The following NDUFS1 variants were observed in gnomAD, a reference collection of about 807,000 sequenced individuals.
The protein encoded by NDUFS1 is NADH:ubiquinone oxidoreductase core subunit S1, also known as NADH-ubiquinone oxidoreductase 75 kDa subunit, mitochondrial.
NDUFS1 carries 61 observed loss-of-function variants against 84.4 expected under a neutral mutation model. The ratio of observed to expected loss-of-function variants is 0.72; its 90% CI spans 0.59 to 0.89. The LOEUF (loss-of-function observed/expected upper bound fraction) is 0.89, where lower values mean the gene tolerates loss of function less well. NDUFS1 is among the 40% of genes least tolerant of loss of function. The pLI, the probability that NDUFS1 is intolerant of heterozygous loss-of-function variation, is 0.00. For synonymous variants in NDUFS1, 275 were observed against 290.0 expected (o/e 0.95, Z 0.53); for missense variants, 891 against 890.0 (o/e 1.00, Z -0.01).
chr2:206,127,732 C>G (rs1691347152), intron 16 of NDUFS1, 65 bp downstream of exon 16: 1 of 1,545,856 alleles, frequency 6.5e-7, no homozygotes, highest in African/African-American at 1.4e-5. Flanking sequence ...GAAAATCATT[C>G]TAACAGGCTA....
chr2:206,147,380 G>C (rs1692193929), intron 7 of NDUFS1, 151 bp downstream of exon 7: 2 of 814,848 alleles, frequency 2.5e-6, no homozygotes, highest in Non-Finnish European at 3.8e-6. Context: ...CTAAATGAAA[G>C]TGAACTTATT....
chr2:206,153,585 T>C (rs1285526106), intron 2 of NDUFS1, 33 bp downstream of exon 2: 3 of 1,270,138 alleles, frequency 2.4e-6, no homozygotes, highest in African/African-American at 2.9e-5. Flanking sequence ...TAAGGTCTAA[T>C]ATCCACGAAT....
At chr2:206,149,588 T>C (rs1575990632) in intron 4 of NDUFS1, among the ~76,000 whole-genome samples, 1 of 147,054 alleles carries the variant, frequency 6.8e-6, no homozygotes, top group Non-Finnish European at 1.5e-5. Flanking sequence ...AAATCACCTT[T>C]AATTTCTAGA....
At chr2:206,150,493 T>C (rs998019960) in intron 3 of NDUFS1, among the ~76,000 whole-genome samples, 1 of 152,348 alleles carries the variant, frequency 6.6e-6, no homozygotes, top group East Asian at 1.9e-4. Flanking sequence ...CATGTTCAAA[T>C]TTCCTCTAGA....
intron 1 of NDUFS1, among the ~76,000 whole-genome samples, chr2:206,154,190 TAC>T (rs1396773801): frequency 6.6e-6 from 1 of 152,258 alleles, no homozygotes; most frequent in Non-Finnish European, 1.5e-5. Context: ...TATTTTCTGG[TAC>T]ACTTATCTTA....
chr2:206,148,124 C>T (rs900472283), intron 5 of NDUFS1, among the ~76,000 whole-genome samples: 6 of 152,104 alleles, frequency 3.9e-5, no homozygotes, highest in African/African-American at 1.2e-4. Context: ...AGGGTTTCAT[C>T]ATGTTGGTCA....
chr2:206,130,381 GTCTC>G, intron 14 of NDUFS1, 139 bp from the exon 15 acceptor site: 2 of 1,109,254 alleles, frequency 1.8e-6, no homozygotes, highest in Non-Finnish European at 2.6e-6. Flanking sequence ...CGGCGATAGA[GTCTC>G]ACTTTGTCGC....
At position 206,120,843 on chromosome 2, in the gene NDUFS1, A is replaced by C. The variant is rs1691075874; in HGVS notation, c.*3342T>G. 1 of 152,206 alleles carries C rather than the reference A, an allele frequency of 6.6e-6. No homozygotes were observed. The highest frequency in any genetic ancestry group is 1.5e-5 in the Non-Finnish European group (1 of 68,066). The allele number at this position is 152,206 out of a possible 1,614,324, so 9.4% of individuals were successfully genotyped here. The stretch of plus-strand genomic sequence containing the variant: ...GCAGGAATACAGTTGTCCATGCTGG[A>C]CTCAACTCATTTGCTCAAGCAATCC... On this transcript the variant is annotated 3_prime_UTR_variant, in exon 19 of 19. Coordinates refer to ENST00000233190, the MANE Select transcript of NDUFS1 (RefSeq NM_005006.7).
chr2:206,123,058 T>C lies in NDUFS1; in HGVS notation c.*1127A>G, dbSNP rs749976074. 8.5e-5 allele frequency: 13 copies of C among 152,202 alleles called. No homozygotes were observed. Among genetic ancestry groups the C allele is most frequent in the Non-Finnish European group, 1.9e-4 (13 of 68,030 alleles). The allele number at this position is 152,202 out of a possible 1,614,324, so 9.4% of individuals were successfully genotyped here. On this transcript the variant is annotated 3_prime_UTR_variant, in exon 19 of 19. Coordinates refer to ENST00000233190, the MANE Select transcript of NDUFS1 (RefSeq NM_005006.7). The stretch of plus-strand genomic sequence containing the variant: ...CCTTAGATTAAAAAAAAAAATTATC[T>C]ATTTTTAATTATCTCCTAATTGTAA...
chr2:206,127,979 A>G lies in NDUFS1; in HGVS notation c.1709-7T>C. On this transcript the variant is annotated splice_polypyrimidine_tract_variant and splice_region_variant and intron_variant, in intron 15 of 18. Transcript: ENST00000233190. Reference sequence around the variant, plus strand: ...CCAACATCACCATGATGTCCTGCACAAAGATGGAAAATGGTAAACCAAAAT... The same window carrying G: ...CCAACATCACCATGATGTCCTGCACGAAGATGGAAAATGGTAAACCAAAAT... The G allele has an allele frequency of 1.2e-6, 2 of 1,614,078 alleles. No individual in the cohort carries two copies. Among genetic ancestry groups the G allele is most frequent in the Non-Finnish European group, 1.7e-6 (2 of 1,179,952 alleles).
intron 3 of NDUFS1, among the ~76,000 whole-genome samples, chr2:206,151,194 G>C (rs1446642891): frequency 6.6e-6 from 1 of 152,122 alleles, no homozygotes; most frequent in Admixed American, 6.6e-5. Context: ...CAAAACTCCT[G>C]ATGGATCAAA....
chr2:206,148,580 G>A (rs2105976303), intron 5 of NDUFS1, among the ~76,000 whole-genome samples: 1 of 152,232 alleles, frequency 6.6e-6, no homozygotes, highest in East Asian at 1.9e-4. Context: ...CCTGAGGCCA[G>A]GAGTTCAAGC....
intron 7 of NDUFS1, 100 bp downstream of exon 7, chr2:206,147,430 CA>C (rs1024385804): frequency 1.2e-5 from 15 of 1,226,224 alleles, no homozygotes; most frequent in Middle Eastern, 2.4e-4. Context: ...TTCTCCCACC[CA>C]AAAAAAGTAG....
At position 206,147,604 on chromosome 2, in the gene NDUFS1, C is replaced by T. The variant is rs763325213; in HGVS notation, c.478G>A (p.Val160Met). The change falls in exon 7 of 19, where the codon GTG becomes ATG. Residue 160 changes from valine to methionine, a missense_variant. By Grantham distance (21) the Val-to-Met change is conservative (BLOSUM62 1). Transcript: ENST00000233190. Reference protein sequence around the residue: ...RSRFLEGKRAVEDKNIGPLVK... With the variant: ...RSRFLEGKRAMEDKNIGPLVK... Reference sequence around the variant, plus strand: ...AATGGCCCAATGTTCTTGTCTTCCACAGCACGCTTCCCCTCTAAAAATCGG... The same window carrying T: ...AATGGCCCAATGTTCTTGTCTTCCATAGCACGCTTCCCCTCTAAAAATCGG... 2 of 1,614,170 alleles carry T rather than the reference C, an allele frequency of 1.2e-6. No individual in the cohort carries two copies. Among genetic ancestry groups the T allele is most frequent in the South Asian group, 2.2e-5 (2 of 91,086 alleles).
intron 7 of NDUFS1, 130 bp downstream of exon 7, chr2:206,147,401 A>G: frequency 3.4e-6 from 3 of 886,024 alleles, no homozygotes; most frequent in Non-Finnish European, 3.4e-6. Flanking sequence ...TTATTCATAT[A>G]TCAGAAACAG....
chr2:206,129,481 T>C (rs536305373), intron 15 of NDUFS1, among the ~76,000 whole-genome samples: 70 of 152,218 alleles, frequency 4.6e-4, no homozygotes, highest in African/African-American at 1.5e-3. Flanking sequence ...CAGACTGGTC[T>C]AGAACTCCTA....
intron 1 of NDUFS1, among the ~76,000 whole-genome samples, chr2:206,156,311 G>A (rs961252811): frequency 1.4e-5 from 2 of 146,848 alleles, no homozygotes; most frequent in East Asian, 2.0e-4. Context: ...GGTGGCTCAC[G>A]CCTGTAGTCT....
At position 206,138,539 on chromosome 2, in the gene NDUFS1, T is replaced by C; in HGVS notation, c.1338A>G (p.Gly446=). Residue 446 remains glycine, a synonymous_variant, in exon 13 of 19, where the codon GGA becomes GGG. Coordinates refer to ENST00000233190, the MANE Select transcript of NDUFS1 (RefSeq NM_005006.7). ...VDLTYTYDHL[G]DSPKILQDIA... is the part of the protein sequence containing the mutation. ...TGTCTTGAAGAATTTTGGGGGAGTC[T>C]CCCAGGTGGTCATATGTGTAAGTGA... 1 of 1,614,020 alleles carries C rather than the reference T, an allele frequency of 6.2e-7. No individual in the cohort carries two copies. The highest frequency in any genetic ancestry group is 8.5e-7 in the Non-Finnish European group (1 of 1,179,904).
At position 206,115,981 on chromosome 2, in the gene NDUFS1, T is replaced by C; in HGVS notation, c.*8204A>G. Reference sequence around the variant, plus strand: ...AAGGCATCTTCTTTCATTAGCAGTGTTAACAGTAGTTTTTTTTTCCCATGG... The same window carrying C: ...AAGGCATCTTCTTTCATTAGCAGTGCTAACAGTAGTTTTTTTTTCCCATGG... On this transcript the variant is annotated 3_prime_UTR_variant, in exon 19 of 19. Coordinates refer to ENST00000233190, the MANE Select transcript of NDUFS1 (RefSeq NM_005006.7). 2.9e-5 allele frequency: 21 copies of C among 716,514 alleles called. 1 individual carries two copies. In the South Asian group the frequency reaches 3.0e-4, roughly 10 times the overall value. 44.4% of individuals were successfully genotyped at this position (716,514 alleles called of 1,614,324 possible).
Sources: allele counts gnomAD v4.1 joint callset (sites outside exome capture counted in the v4.1 genomes callset), GRCh38; gene constraint gnomAD v4.1.1; transcripts MANE v1.5; gene names NCBI Gene and HGNC (gene_info 2026-07-23, HGNC 2026-07-21).